Variants in ADGRB3 observed in about 807,000 individuals in gnomAD.
The protein encoded by ADGRB3 is brain-specific angiogenesis inhibitor 3.
A neutral mutation model predicts 193.4 loss-of-function variants in ADGRB3; 37 were observed. The ratio of observed to expected loss-of-function variants is 0.19; its 90% CI spans 0.15 to 0.25. The LOEUF (loss-of-function observed/expected upper bound fraction) is 0.25, where lower values mean the gene tolerates loss of function less well. ADGRB3 is among the 10% of genes least tolerant of loss of function. ADGRB3 has a pLI of 1.00. For missense variants in ADGRB3, 1,637 were observed against 1,852.9 expected (o/e 0.88, Z 2.14); for synonymous variants, 690 against 644.2 (o/e 1.07, Z -1.08).
In ADGRB3 at chr6:68,638,558, T is replaced by C. The variant is rs150333681; in HGVS notation, c.-15-103T>C. On this transcript the variant is annotated intron_variant, in intron 2 of 31. Transcript: ENST00000370598. ...TGCCCTTCTTTTAAAAAGGGCTTTT[T>C]ACTGAAATCTTGAAAACAGCTGGCT... 6,786 of 1,208,472 alleles carry C rather than the reference T, an allele frequency of 5.6e-3. 36 individuals carry two copies. The highest frequency in any genetic ancestry group is 7.5e-3 in the Middle Eastern group (37 of 4,934). The allele number at this position is 1,208,472 out of a possible 1,614,324, so 74.9% of individuals were successfully genotyped here. A position where few individuals can be genotyped will look rare whatever the true frequency, so the allele number is the denominator to read the frequency against.
intron 3 of ADGRB3, among the ~76,000 whole-genome samples, chr6:68,824,113 A>C (rs1038310887): frequency 6.6e-6 from 1 of 152,112 alleles, no homozygotes; most frequent in Non-Finnish European, 1.5e-5. Flanking sequence ...GGGAAATTTT[A>C]TCTATTTTCA....
chr6:68,864,029 C>G (rs192206917), intron 3 of ADGRB3, among the ~76,000 whole-genome samples: 84 of 151,848 alleles, frequency 5.5e-4, no homozygotes, highest in African/African-American at 1.9e-3. Context: ...GTATTTATAC[C>G]CCTATCAATT....
chr6:69,309,871 G>T (rs1411732759), intron 20 of ADGRB3, among the ~76,000 whole-genome samples: 1 of 151,682 alleles, frequency 6.6e-6, no homozygotes, highest in African/African-American at 2.4e-5. Context: ...TGGAGGTGGG[G>T]TGAGAAGAAT....
intron 3 of ADGRB3, among the ~76,000 whole-genome samples, chr6:68,910,325 G>C (rs1349845085): frequency 6.6e-6 from 1 of 152,194 alleles, no homozygotes; most frequent in Non-Finnish European, 1.5e-5. Flanking sequence ...CAGTTGAGTA[G>C]ATTGCAAAAA....
chr6:68,774,160 T>G (rs1251021188), intron 3 of ADGRB3, among the ~76,000 whole-genome samples: 3 of 152,120 alleles, frequency 2.0e-5, no homozygotes, highest in Non-Finnish European at 2.9e-5. Flanking sequence ...TGTTATTTTT[T>G]TTTTTAGAAA....
At chr6:68,874,900 A>T (rs185123163) in intron 3 of ADGRB3, among the ~76,000 whole-genome samples, 4 of 152,336 alleles carry the variant, frequency 2.6e-5, no homozygotes, top group African/African-American at 9.6e-5. Context: ...ACCTGAATTT[A>T]AAGAGTGCTC....
At position 69,388,843 on chromosome 6, in the gene ADGRB3, G is replaced by C. The variant is rs745818784; in HGVS notation, c.4521G>C (p.Leu1507=). ...GGCCAGCAGAGTGGGAGAAGTGTCT[G>C]AATTTGCCTCTGGATGTGCAAGAGG... ...ELRPAEWEKC[L]NLPLDVQEGD... is the part of the protein sequence containing the mutation. The change falls in exon 32 of 32, where the codon CTG becomes CTC. Residue 1507 remains leucine, a synonymous_variant. Coordinates refer to ENST00000370598, the MANE Select transcript of ADGRB3 (RefSeq NM_001704.3). 1 of 1,613,352 alleles carries C rather than the reference G, an allele frequency of 6.2e-7. No homozygotes were observed.
At chr6:68,992,601 G>T (rs1769268198) in intron 10 of ADGRB3, among the ~76,000 whole-genome samples, 1 of 152,236 alleles carries the variant, frequency 6.6e-6, no homozygotes, top group South Asian at 2.1e-4. Flanking sequence ...AGAATAGGGA[G>T]AAGTACCTAA....
chr6:68,907,870 A>G (rs556051749), intron 3 of ADGRB3, among the ~76,000 whole-genome samples: 2 of 152,038 alleles, frequency 1.3e-5, no homozygotes, highest in African/African-American at 4.8e-5. Flanking sequence ...CATTTCTGTA[A>G]CATTTTATAT....
chr6:69,053,104 C>T (rs1771446950), intron 15 of ADGRB3, among the ~76,000 whole-genome samples: 1 of 151,970 alleles, frequency 6.6e-6, no homozygotes, highest in South Asian at 2.1e-4. Flanking sequence ...TAGAATCACT[C>T]GAATCTCAGA....
chr6:69,337,796 T>G (rs1582641233), intron 24 of ADGRB3, among the ~76,000 whole-genome samples: 1 of 152,160 alleles, frequency 6.6e-6, no homozygotes, highest in East Asian at 1.9e-4. Context: ...GTACCCTTAT[T>G]TAAAATAAAC....
intron 26 of ADGRB3, among the ~76,000 whole-genome samples, chr6:69,343,066 T>G (rs1283297271): frequency 6.6e-6 from 1 of 151,998 alleles, no homozygotes; most frequent in Non-Finnish European, 1.5e-5. Context: ...CCTTGAAGTT[T>G]AAGAAGGAGA....
At chr6:68,985,851 A>G (rs1769055035) in intron 10 of ADGRB3, among the ~76,000 whole-genome samples, 1 of 152,150 alleles carries the variant, frequency 6.6e-6, no homozygotes, top group South Asian at 2.1e-4. Context: ...ACAGAGAAAC[A>G]TCATGTTACT....
intron 26 of ADGRB3, among the ~76,000 whole-genome samples, chr6:69,343,663 C>T (rs1284712957): frequency 6.6e-6 from 1 of 151,794 alleles, no homozygotes; most frequent in Non-Finnish European, 1.5e-5. Flanking sequence ...GTTTCTTCTT[C>T]TGGAATAACT....
chr6:68,789,560 C>T (rs11754119), intron 3 of ADGRB3, among the ~76,000 whole-genome samples: 4,813 of 152,226 alleles, frequency 0.032, 95 homozygotes, highest in Middle Eastern at 0.051. Context: ...GTGGGTAATC[C>T]GACCTTTCTC....
At chr6:68,774,592 C>T (rs1395334322) in intron 3 of ADGRB3, among the ~76,000 whole-genome samples, 1 of 151,940 alleles carries the variant, frequency 6.6e-6, no homozygotes, top group Non-Finnish European at 1.5e-5. Flanking sequence ...TAGGTATTAG[C>T]ATGCTGCCTT....
chr6:68,763,583 T>G (rs1562019704), intron 3 of ADGRB3, among the ~76,000 whole-genome samples: 1 of 152,206 alleles, frequency 6.6e-6, no homozygotes, highest in African/African-American at 2.4e-5. Flanking sequence ...TGATAAGGGA[T>G]GCACATTTTA....
chr6:68,796,852 G>A (rs2127369022), intron 3 of ADGRB3, among the ~76,000 whole-genome samples: 1 of 152,222 alleles, frequency 6.6e-6, no homozygotes, highest in South Asian at 2.1e-4. Context: ...AGGAGAAAAA[G>A]ACTAAAAGAC....
chr6:69,095,887 G>A (rs1772861725), intron 17 of ADGRB3, among the ~76,000 whole-genome samples: 1 of 152,026 alleles, frequency 6.6e-6, no homozygotes, highest in Non-Finnish European at 1.5e-5. Flanking sequence ...ATTTCTTCAT[G>A]TCCTAGGATT....
Sources: allele counts gnomAD v4.1 joint callset (sites outside exome capture counted in the v4.1 genomes callset), GRCh38; gene constraint gnomAD v4.1.1; transcripts MANE v1.5; gene names NCBI Gene and HGNC (gene_info 2026-07-23, HGNC 2026-07-21).